Variants in GALNT13 observed in about 807,000 individuals in gnomAD.
GALNT13 encodes polypeptide N-acetylgalactosaminyltransferase 13.
GALNT13 carries 28 observed loss-of-function variants against 64.2 expected under a neutral mutation model. The observed-to-expected ratio is 0.44, with a 90% confidence interval of 0.32 to 0.60. The LOEUF (loss-of-function observed/expected upper bound fraction) is 0.60. GALNT13 is among the 20% of genes least tolerant of loss of function. GALNT13 has a pLI of 0.05. For synonymous variants in GALNT13, 214 were observed against 224.6 expected, an observed-to-expected ratio of 0.95 and a Z score of 0.42; for missense variants, 577 against 669.8, an observed-to-expected ratio of 0.86 and a Z score of 1.53.
chr2:153,129,598 C>G, the GALNT13 span, among the ~76,000 whole-genome samples: 2 of 152,070 alleles, frequency 1.3e-5, no homozygotes, highest in Non-Finnish European at 2.9e-5. Context: ...CATAGTGAAA[C>G]CCTGTCTGTA....
chr2:154,455,166 A>G (rs1186468253), downstream of GALNT13, among the ~76,000 whole-genome samples: 3 of 152,164 alleles, frequency 2.0e-5, no homozygotes, highest in Non-Finnish European at 4.4e-5. Context: ...ACCTTTTTAA[A>G]AAATTTGGTG....
chr2:154,438,605 C>T lies in GALNT13; in HGVS notation c.1409C>T (p.Thr470Ile). ...TTATATTTTCAGGTATTTTCTTACACTGCTGACAAAGAAATCCGAACCGAT... is the reference window on the plus strand; with the variant it reads ...TTATATTTTCAGGTATTTTCTTACATTGCTGACAAAGAAATCCGAACCGAT... ...GMGGNQVFSYTADKEIRTDDL... is the reference protein window; with the variant it reads ...GMGGNQVFSYIADKEIRTDDL... The change falls in exon 12 of 13, where the codon ACT becomes ATT. Residue 470 changes from threonine (T) to isoleucine (I), a missense_variant. Around this residue, in one of 3 missense-constraint regions of GALNT13, gnomAD observed 232 missense variants for 270.6 expected, o/e 0.86. Coordinates refer to ENST00000392825, the MANE Select transcript of GALNT13 (RefSeq NM_052917.4). 6.2e-7 allele frequency: 1 copy of T among 1,610,912 alleles called. No individual in the cohort carries two copies. The highest frequency in any genetic ancestry group is 1.1e-5 in the South Asian group (1 of 90,732).
chr2:153,765,148 A>C, the GALNT13 span, among the ~76,000 whole-genome samples: 1 of 152,224 alleles, frequency 6.6e-6, no homozygotes, highest in Non-Finnish European at 1.5e-5. Context: ...TGCACTGCCT[A>C]GTGGAGCTGT....
the GALNT13 span, among the ~76,000 whole-genome samples, chr2:153,237,065 G>A: frequency 3.3e-5 from 5 of 152,174 alleles, no homozygotes; most frequent in South Asian, 1.0e-3. Flanking sequence ...CTGCAGATGT[G>A]GTGGGAATAG....
At chr2:153,658,403 T>A in the GALNT13 span, among the ~76,000 whole-genome samples, 1 of 152,092 alleles carries the variant, frequency 6.6e-6, no homozygotes, top group African/African-American at 2.4e-5. Context: ...TATCTTTGAC[T>A]CCCTTATGTG....
chr2:154,031,775 A>T (rs1293573688), intron 3 of GALNT13, among the ~76,000 whole-genome samples: 1 of 152,024 alleles, frequency 6.6e-6, no homozygotes, highest in African/African-American at 2.4e-5. Context: ...GAAAATGAAT[A>T]GACTTGAAAG....
the GALNT13 span, among the ~76,000 whole-genome samples, chr2:153,342,240 G>T: frequency 7.7e-4 from 117 of 152,206 alleles, 2 homozygotes; most frequent in African/African-American, 2.7e-3. Context: ...TGAAAATGGC[G>T]ACTGTTGTCT....
At chr2:154,268,624 CAGAG>C (rs543806705) in intron 8 of GALNT13, among the ~76,000 whole-genome samples, 1 of 151,746 alleles carries the variant, frequency 6.6e-6, no homozygotes, top group African/African-American at 2.4e-5. Context: ...CACACACACA[CAGAG>C]AGAGAGACAG....
the GALNT13 span, among the ~76,000 whole-genome samples, chr2:153,251,571 T>A: frequency 6.6e-6 from 1 of 151,724 alleles, no homozygotes; most frequent in South Asian, 2.1e-4. Flanking sequence ...CTGCACCCAC[T>A]GACTCGTCAT....
chr2:153,722,620 A>T, the GALNT13 span, among the ~76,000 whole-genome samples: 1 of 152,206 alleles, frequency 6.6e-6, no homozygotes, highest in Admixed American at 6.5e-5. Flanking sequence ...GATAAAGGGG[A>T]TATCACCACC....
the GALNT13 span, among the ~76,000 whole-genome samples, chr2:153,808,166 T>C: frequency 1.3e-5 from 2 of 152,138 alleles, no homozygotes; most frequent in East Asian, 3.9e-4. Flanking sequence ...TCTATAATAC[T>C]GGCAGCTTTT....
the GALNT13 span, among the ~76,000 whole-genome samples, chr2:153,458,685 A>G: frequency 1.3e-5 from 2 of 152,138 alleles, no homozygotes; most frequent in Admixed American, 1.3e-4. Context: ...TGTATTCCCT[A>G]AGCCTATCTC....
chr2:153,153,663 C>CTT, the GALNT13 span, among the ~76,000 whole-genome samples: 14,822 of 129,640 alleles, frequency 0.11, 1,124 homozygotes, highest in Non-Finnish European at 0.16. Context: ...TTCCCCATTG[C>CTT]TTTTTTTTTT....
At chr2:153,764,021 C>T in the GALNT13 span, among the ~76,000 whole-genome samples, 1 of 152,080 alleles carries the variant, frequency 6.6e-6, no homozygotes, top group Non-Finnish European at 1.5e-5. Flanking sequence ...TTGTTGAATG[C>T]CTTTGACCAA....
At chr2:153,366,734 C>CACAA in the GALNT13 span, among the ~76,000 whole-genome samples, 1 of 103,006 alleles carries the variant, frequency 9.7e-6, no homozygotes, top group Non-Finnish European at 2.2e-5. Flanking sequence ...CACACACACA[C>CACAA]ACACACACAC....
At chr2:153,794,568 G>A in the GALNT13 span, among the ~76,000 whole-genome samples, 1 of 150,938 alleles carries the variant, frequency 6.6e-6, no homozygotes, top group African/African-American at 2.4e-5. Context: ...TCACCCAGGC[G>A]AGAATGCAGT....
At chr2:153,883,954 A>G (rs1251232945) in intron 1 of GALNT13, among the ~76,000 whole-genome samples, 1 of 152,034 alleles carries the variant, frequency 6.6e-6, no homozygotes, top group Non-Finnish European at 1.5e-5. Flanking sequence ...CAAAATGCAA[A>G]TATTATCAAG....
chr2:153,484,683 A>G, the GALNT13 span, among the ~76,000 whole-genome samples: 4 of 152,138 alleles, frequency 2.6e-5, no homozygotes, highest in Non-Finnish European at 5.9e-5. Context: ...TTTATACCCA[A>G]ACCAAACCCA....
At chr2:154,258,279 A>T (rs146321550) in intron 7 of GALNT13, among the ~76,000 whole-genome samples, 111 of 152,264 alleles carry the variant, frequency 7.3e-4, no homozygotes, top group African/African-American at 2.5e-3. Context: ...CTGACTTCTC[A>T]GCTCCCATGG....
Sources: allele counts gnomAD v4.1 joint callset (sites outside exome capture counted in the v4.1 genomes callset), GRCh38; gene constraint gnomAD v4.1.1; regional missense constraint gnomAD v4.1.1; transcripts MANE v1.5; gene names NCBI Gene and HGNC (gene_info 2026-07-23, HGNC 2026-07-21).